ARSG: variants seen among roughly 807,000 people sequenced by gnomAD.
ARSG encodes the protein arylsulfatase G.
Under a neutral mutation model 50.5 loss-of-function variants are expected in ARSG, and 37 were observed. That is an observed-to-expected ratio of 0.73 (90% confidence interval 0.56 to 0.96). The LOEUF (loss-of-function observed/expected upper bound fraction) is 0.96. Ranked by LOEUF, ARSG falls within the 50% of genes least tolerant of loss-of-function variation. The pLI is 0.00. For synonymous variants in ARSG, 225 were observed against 254.6 expected (o/e 0.88, Z 1.11); for missense variants, 629 against 675.3 (o/e 0.93, Z 0.76).
chr17:68,312,205 C>T (rs1239877364), intron 2 of ARSG, among the ~76,000 whole-genome samples: 1 of 152,162 alleles, frequency 6.6e-6, no homozygotes, highest in Non-Finnish European at 1.5e-5. Flanking sequence ...AAAAATGCCT[C>T]ATCTGTTCTT....
chr17:68,434,449 G>A, the ARSG span: 1 of 1,089,824 alleles, frequency 9.2e-7, no homozygotes, highest in Non-Finnish European at 1.3e-6. Flanking sequence ...TCCTCCAGGT[G>A]AGTGGAGGGC....
intron 2 of ARSG, among the ~76,000 whole-genome samples, chr17:68,313,867 C>T (rs1015630309): frequency 3.3e-5 from 5 of 151,916 alleles, no homozygotes; most frequent in African/African-American, 7.3e-5. Context: ...TTAGTAGAGA[C>T]GGAGTTTTGC....
At chr17:68,373,635 G>A (rs371308589) in intron 8 of ARSG, among the ~76,000 whole-genome samples, 15 of 152,238 alleles carry the variant, frequency 9.9e-5, no homozygotes, top group South Asian at 2.1e-4. Flanking sequence ...AATTTGAGTC[G>A]GGGTCAGGAG....
intron 11 of ARSG, among the ~76,000 whole-genome samples, chr17:68,416,966 C>T (rs560210890): frequency 1.8e-4 from 28 of 152,276 alleles, no homozygotes; most frequent in African/African-American, 6.7e-4. Context: ...AATTCTTTTT[C>T]AGGTTAATCA....
At chr17:68,426,044 A>C, downstream of ARSG, 1 of 1,590,568 alleles carries the variant, frequency 6.3e-7, no homozygotes, top group Non-Finnish European at 8.6e-7. Context: ...ACACAGACTG[A>C]GCCGCCCAGT....
At chr17:68,303,556 C>T (rs1392490733) in intron 1 of ARSG, among the ~76,000 whole-genome samples, 1 of 152,216 alleles carries the variant, frequency 6.6e-6, no homozygotes, top group African/African-American at 2.4e-5. Flanking sequence ...TCAAGCGATT[C>T]TCCTGCCTCA....
chr17:68,272,456 A>C (rs1428887343), intron 1 of ARSG, among the ~76,000 whole-genome samples: 1 of 152,222 alleles, frequency 6.6e-6, no homozygotes, highest in Non-Finnish European at 1.5e-5. Flanking sequence ...AGGTGGTCTG[A>C]ATACCTAAAG....
intron 1 of ARSG, chr17:68,282,874 G>A (rs1479785392): frequency 2.0e-5 from 3 of 150,900 alleles, no homozygotes; most frequent in Non-Finnish European, 4.4e-5. Context: ...CTTGAACCCC[G>A]GAGGTGGAGG....
the ARSG span, among the ~76,000 whole-genome samples, chr17:68,442,041 G>A: frequency 6.6e-6 from 1 of 152,106 alleles, no homozygotes; most frequent in East Asian, 1.9e-4. Context: ...AATATACACT[G>A]TCTCTAACAG....
At chr17:68,426,323 A>G, downstream of ARSG, 1 of 670,378 alleles carries the variant, frequency 1.5e-6, no homozygotes, top group Admixed American at 2.5e-5. Flanking sequence ...GCCTAGGACA[A>G]GTCATAATCC....
chr17:68,451,132 TAAAGA>T, the ARSG span, among the ~76,000 whole-genome samples: 2 of 152,166 alleles, frequency 1.3e-5, no homozygotes, highest in African/African-American at 2.4e-5. Flanking sequence ...ATATCTAAAG[TAAAGA>T]AAACACTAGT....
chr17:68,367,397 C>T lies in ARSG; in HGVS notation c.705-1151C>T, dbSNP rs1305307805. On this transcript the variant is annotated intron_variant, in intron 6 of 11. Coordinates refer to ENST00000621439, the MANE Select transcript of ARSG (RefSeq NM_001267727.2). This position sits in a 1 kb window ranked among gnomAD's most constrained non-coding sequence, Gnocchi z 4.5. ...AACCCTGGGGCCAACTGAATCTCTGCGTGAACTAGTATGAAAGGGCCATGC... is the reference window on the plus strand; with the variant it reads ...AACCCTGGGGCCAACTGAATCTCTGTGTGAACTAGTATGAAAGGGCCATGC... Among the ~76,000 whole-genome samples the T allele has an allele frequency of 1.3e-5, 2 of 152,134 alleles. No individual in the cohort carries two copies. Among genetic ancestry groups the T allele is most frequent in the African/African-American group, 2.4e-5 (1 of 41,420 alleles).
At chr17:68,409,509 G>C (rs1320385205) in intron 11 of ARSG, among the ~76,000 whole-genome samples, 1 of 151,872 alleles carries the variant, frequency 6.6e-6, no homozygotes, top group Non-Finnish European at 1.5e-5. Flanking sequence ...GTACCATGCT[G>C]TTTTGGTTAC....
intron 9 of ARSG, among the ~76,000 whole-genome samples, chr17:68,391,383 C>G (rs1220736315): frequency 1.3e-5 from 2 of 152,166 alleles, no homozygotes; most frequent in Non-Finnish European, 2.9e-5. Context: ...AAGCTTTTCT[C>G]ATGGGCGAGA....
exon 1 of ARSG, chr17:68,259,229 C>A (rs2075036381): frequency 6.6e-6 from 1 of 152,248 alleles, no homozygotes. Context: ...CGCCGGCGCA[C>A]CACCTGTTTC....
intron 5 of ARSG, 106 bp downstream of exon 5, chr17:68,351,792 C>T (rs149541092): frequency 4.2e-5 from 32 of 757,196 alleles, no homozygotes; most frequent in Middle Eastern, 3.2e-4. Context: ...ACAGTTAAGA[C>T]GGCAAATAAG....
At position 68,343,719 on chromosome 17, in the gene ARSG, G is replaced by A. The variant is rs141406045; in HGVS notation, c.334G>A (p.Gly112Arg). 43 of 1,614,052 alleles carry A rather than the reference G, an allele frequency of 2.7e-5. No homozygotes were observed. The highest frequency in any genetic ancestry group is 3.6e-5 in the Non-Finnish European group (42 of 1,180,028). The change falls in exon 3 of 12, where the codon GGA (glycine) becomes AGA (arginine). Residue 112 changes from glycine (G) to arginine (R), a missense_variant. Gly to Arg is a moderately radical substitution (Grantham distance 125, BLOSUM62 -2). Transcript: ENST00000621439. ...VTRNFAVTSV[G>R]GLPLNETTLA... ...ACGCAACTTTGCAGTCACTTCTGTG[G>A]GAGGCCTTCCGCTCAACGAGACCAC... is the stretch of plus-strand genomic sequence containing the variant.
intron 6 of ARSG, 121 bp downstream of exon 6, chr17:68,356,925 A>G (rs990546854): frequency 7.8e-5 from 94 of 1,205,474 alleles, no homozygotes; most frequent in Non-Finnish European, 1.0e-4. Context: ...CTCAGCAGAG[A>G]TGGATGCATA....
rs557610230 is a variant in ARSG at position 68,381,923 on chromosome 17, C to T, written c.983-3141C>T. On this transcript the variant is annotated intron_variant, in intron 8 of 11. Coordinates refer to ENST00000621439, the MANE Select transcript of ARSG (RefSeq NM_001267727.2). This position sits in a 1 kb window ranked among gnomAD's most constrained non-coding sequence, Gnocchi z 4.1. Reference sequence around the variant, plus strand: ...GAGGGTGCTGGCTGTGTAGTCAGACCGGCGTTCACATCTTGGCTCTATCAT... The same window carrying T: ...GAGGGTGCTGGCTGTGTAGTCAGACTGGCGTTCACATCTTGGCTCTATCAT... Among the ~76,000 whole-genome samples, 3 of 151,674 alleles carry T rather than the reference C, an allele frequency of 2.0e-5. No homozygotes were observed. Among genetic ancestry groups the T allele is most frequent in the Non-Finnish European group, 2.9e-5 (2 of 67,940 alleles).
Sources: gnomAD v4.1 joint callset for allele counts (sites outside exome capture counted in the v4.1 genomes callset) on GRCh38, gnomAD v4.1.1 for gene constraint, Gnocchi (gnomAD v3.1) non-coding constraint, MANE v1.5 for transcripts, NCBI Gene and HGNC (gene_info 2026-07-23, HGNC 2026-07-21) for gene names.